GABRG3: variants seen among roughly 807,000 people sequenced by gnomAD.
The protein encoded by GABRG3 is gamma-aminobutyric acid receptor subunit gamma-3.
GABRG3 carries 25 observed loss-of-function variants against 48.8 expected under a neutral mutation model. The ratio of observed to expected loss-of-function variants is 0.51; its 90% CI spans 0.37 to 0.72. The LOEUF is 0.72. GABRG3 is among the 30% of genes least tolerant of loss of function. GABRG3 has a pLI of 0.00. For missense variants in GABRG3, 394 were observed against 577.9 expected (o/e 0.68, Z 3.26); for synonymous variants, 227 against 217.6 (o/e 1.04, Z -0.38).
chr15:27,246,139 T>C (rs1348957030), intron 3 of GABRG3, among the ~76,000 whole-genome samples: 1 of 152,156 alleles, frequency 6.6e-6, no homozygotes. Flanking sequence ...TCTCCAACAC[T>C]GCGGATCATA....
intron 5 of GABRG3, among the ~76,000 whole-genome samples, chr15:27,331,463 A>G (rs1217006132): frequency 2.0e-5 from 3 of 152,230 alleles, no homozygotes; most frequent in Non-Finnish European, 4.4e-5. Flanking sequence ...ACTTAAATGC[A>G]TATTTACTAG....
intron 3 of GABRG3, among the ~76,000 whole-genome samples, chr15:27,229,768 C>T (rs527848055): frequency 1.4e-4 from 22 of 152,272 alleles, no homozygotes; most frequent in Admixed American, 9.8e-4. Context: ...TGAGCCTCTG[C>T]GCCCAGCTAT....
chr15:27,455,953 G>A (rs549517069), intron 5 of GABRG3, among the ~76,000 whole-genome samples: 1 of 152,272 alleles, frequency 6.6e-6, no homozygotes, highest in African/African-American at 2.4e-5. Flanking sequence ...GGATAAGCCT[G>A]GTCACTGGAC....
chr15:27,314,956 A>G (rs1376678652), intron 3 of GABRG3, among the ~76,000 whole-genome samples: 1 of 152,190 alleles, frequency 6.6e-6, no homozygotes, highest in African/African-American at 2.4e-5. Context: ...ATTATAAAAG[A>G]TGAATAAGTT....
intron 3 of GABRG3, among the ~76,000 whole-genome samples, chr15:27,107,901 A>G (rs1036651915): frequency 6.6e-6 from 1 of 151,552 alleles, no homozygotes; most frequent in Admixed American, 6.6e-5. Context: ...TTCATGGGTG[A>G]TTAGTAATAA....
At chr15:27,478,107 C>G (rs561283047) in intron 5 of GABRG3, among the ~76,000 whole-genome samples, 7 of 151,342 alleles carry the variant, frequency 4.6e-5, no homozygotes, top group Admixed American at 4.0e-4. Context: ...TGCGCCATTG[C>G]GAATGTACTT....
At chr15:27,063,842 C>G (rs140296796) in intron 3 of GABRG3, among the ~76,000 whole-genome samples, 1 of 152,152 alleles carries the variant, frequency 6.6e-6, no homozygotes, top group Non-Finnish European at 1.5e-5. Flanking sequence ...ACAAGCTGTT[C>G]TGGGAGGCAG....
chr15:27,128,402 C>T (rs1357213788), intron 3 of GABRG3, among the ~76,000 whole-genome samples: 6 of 152,010 alleles, frequency 3.9e-5, no homozygotes, highest in African/African-American at 7.3e-5. Flanking sequence ...TCTCAGGTAC[C>T]GGAATTATTT....
At chr15:27,473,421 T>C (rs1889845097) in intron 5 of GABRG3, among the ~76,000 whole-genome samples, 1 of 152,180 alleles carries the variant, frequency 6.6e-6, no homozygotes, top group Non-Finnish European at 1.5e-5. Flanking sequence ...TGTTCAGTAG[T>C]GTGTTGACTA....
chr15:27,311,014 A>T (rs1172285174), intron 3 of GABRG3, among the ~76,000 whole-genome samples: 1 of 152,196 alleles, frequency 6.6e-6, no homozygotes, highest in African/African-American at 2.4e-5. Flanking sequence ...AAAACTTCTG[A>T]ACATAAATAA....
chr15:27,003,686 A>G (rs1895506490), intron 2 of GABRG3, among the ~76,000 whole-genome samples: 1 of 152,166 alleles, frequency 6.6e-6, no homozygotes, highest in Non-Finnish European at 1.5e-5. Flanking sequence ...CCCCCTTTCT[A>G]TTCCACAAAA....
intron 6 of GABRG3, among the ~76,000 whole-genome samples, chr15:27,515,226 G>A (rs1190141014): frequency 4.5e-4 from 69 of 151,760 alleles, no homozygotes; most frequent in Non-Finnish European, 7.4e-5. Flanking sequence ...CTAAGTAGCT[G>A]GGATTACAGG....
chr15:27,114,754 G>A (rs1308882029), intron 3 of GABRG3, among the ~76,000 whole-genome samples: 1 of 151,642 alleles, frequency 6.6e-6, no homozygotes, highest in Non-Finnish European at 1.5e-5. Flanking sequence ...GAAAGGTGCA[G>A]ACTTATTAAA....
At position 27,504,168 on chromosome 15, in the gene GABRG3, T is replaced by A. The variant is rs192340725; in HGVS notation, c.713-15804T>A. Among the ~76,000 whole-genome samples the A allele has an allele frequency of 3.3e-5, 5 of 152,302 alleles. No homozygotes were observed. The East Asian group carries it at 9.6e-4, about 29-fold the overall frequency. ...GGGTATTTGCACAATTTAAATTTGA[T>A]GTAATTATTGACACTTTTGGTTTTA... On this transcript the variant is annotated intron_variant, in intron 6 of 9. Transcript: ENST00000615808.
chr15:27,422,585 T>A (rs1888157264), intron 5 of GABRG3, among the ~76,000 whole-genome samples: 1 of 152,180 alleles, frequency 6.6e-6, no homozygotes, highest in Non-Finnish European at 1.5e-5. Flanking sequence ...GAGGCATCCA[T>A]GGGAGTGGGT....
At position 27,340,930 on chromosome 15, in the gene GABRG3, T is replaced by A. The variant is rs370582816; in HGVS notation, c.574+12042T>A. On this transcript the variant is annotated intron_variant, in intron 5 of 9. Transcript: ENST00000615808. ...GCAGCATTTGCTTTTTGAAAGCTGT[T>A]TTTTAAGAACAGAGATTCAATGATG... 1.4e-3 allele frequency: 686 copies of A among 483,838 alleles called. 1 individual carries two copies. Among genetic ancestry groups the A allele is most frequent in the Non-Finnish European group, 2.0e-3 (485 of 247,302 alleles). The allele number at this position is 483,838 out of a possible 1,614,324, so 30.0% of individuals were successfully genotyped here.
In GABRG3 at chr15:27,533,489, C is replaced by T. The variant is rs1891479478; in HGVS notation, c.*608C>T. On this transcript the variant is annotated 3_prime_UTR_variant, in exon 10 of 10. Transcript: ENST00000615808. The stretch of plus-strand genomic sequence containing the variant: ...TCTAGGCCTGGGGAGAGTACACTCG[C>T]ATTGTCTACGGTTTCCATTGGAGGA... 1 of 152,490 alleles carries T rather than the reference C, an allele frequency of 6.6e-6. No individual in the cohort carries two copies. The highest frequency in any genetic ancestry group is 6.5e-5 in the Admixed American group (1 of 15,288). 9.4% of individuals were successfully genotyped at this position (152,490 alleles called of 1,614,324 possible). A position where few individuals can be genotyped will look rare whatever the true frequency, so the allele number is the denominator to read the frequency against.
intron 6 of GABRG3, among the ~76,000 whole-genome samples, chr15:27,500,700 T>C (rs1890602140): frequency 1.3e-5 from 2 of 152,188 alleles, no homozygotes; most frequent in Non-Finnish European, 2.9e-5. Context: ...ATTTTTATTT[T>C]AGGATACATT....
chr15:27,285,518 G>A (rs1891582640), intron 3 of GABRG3, among the ~76,000 whole-genome samples: 1 of 152,072 alleles, frequency 6.6e-6, no homozygotes, highest in Non-Finnish European at 1.5e-5. Context: ...TGTATATCAT[G>A]TTTGAATTAT....
Sources: gnomAD v4.1 joint callset for allele counts (sites outside exome capture counted in the v4.1 genomes callset) on GRCh38, gnomAD v4.1.1 for gene constraint, MANE v1.5 for transcripts, NCBI Gene and HGNC (gene_info 2026-07-23, HGNC 2026-07-21) for gene names.